DOT1L: variants seen among roughly 807,000 people sequenced by gnomAD.
DOT1L encodes histone-lysine N-methyltransferase, H3 lysine-79 specific.
Under a neutral mutation model 153.3 loss-of-function variants are expected in DOT1L, and 33 were observed. That is an observed-to-expected ratio of 0.22 (90% CI 0.16 to 0.29). DOT1L has a LOEUF of 0.29. Among genes scored for constraint, DOT1L ranks in the 10% least tolerant of loss-of-function variants. DOT1L has a pLI of 1.00. For missense variants in DOT1L, 1,847 were observed against 2,119.9 expected (o/e 0.87, Z 2.53); for synonymous variants, 1,135 against 965.1 (o/e 1.18, Z -3.26).
At chr19:2,177,767 C>CT (rs2022019844) in intron 1 of DOT1L, among the ~76,000 whole-genome samples, 1 of 151,858 alleles carries the variant, frequency 6.6e-6, no homozygotes, top group Non-Finnish European at 1.5e-5. Flanking sequence ...ATTTCTTTTT[C>CT]CTTTTTTTTT....
chr19:2,222,793 A>T lies in DOT1L; in HGVS notation c.3390+234A>T. The T allele has an allele frequency of 1.9e-6, 1 of 525,194 alleles. No individual in the cohort carries two copies. Among genetic ancestry groups the T allele is most frequent in the Non-Finnish European group, 3.3e-6 (1 of 301,100 alleles). 32.5% of individuals were successfully genotyped at this position (525,194 alleles called of 1,614,324 possible). A position where few individuals can be genotyped will look rare whatever the true frequency, so the allele number is the denominator to read the frequency against. ...CGGGTGCCTGGGAGGCTGAGGCAGG[A>T]GAATGATGTGAACCCGGGAGGCGGG... On this transcript the variant is annotated intron_variant, in intron 24 of 27. Transcript: ENST00000398665. The surrounding 1 kb of genome is among the most constrained non-coding windows in gnomAD (Gnocchi z 6.5).
At position 2,216,632 on chromosome 19, in the gene DOT1L, C is replaced by T. The variant is rs769937964; in HGVS notation, c.2275C>T (p.Arg759Cys). ...PCTPSHVGRPRLEKLSGLAAP... is the reference protein window; with the variant it reads ...PCTPSHVGRPCLEKLSGLAAP... ...TACCCCTAGCCACGTCGGCCGGCCG[C>T]GCCTGGAGAAGCTGTCTGGCCTAGC... is the stretch of plus-strand genomic sequence containing the variant. The change falls in exon 20 of 28, where the codon CGC (arginine) becomes TGC (cysteine). Residue 759 changes from arginine to cysteine, a missense_variant. Physicochemically the swap from Arg to Cys is radical, Grantham distance 180. Coordinates refer to ENST00000398665, the MANE Select transcript of DOT1L (RefSeq NM_032482.3). The T allele has an allele frequency of 5.6e-6, 9 of 1,605,874 alleles. No homozygotes were observed. The highest frequency in any genetic ancestry group is 4.4e-5 in the South Asian group (4 of 91,076).
intron 2 of DOT1L, among the ~76,000 whole-genome samples, chr19:2,184,884 G>A (rs749680303): frequency 2.0e-5 from 3 of 152,186 alleles, no homozygotes; most frequent in African/African-American, 4.8e-5. Context: ...ACGTTTTTAA[G>A]GGATAGTGGG....
Position 2,208,166 on chromosome 19 carries a change from C to T in DOT1L, c.963+486C>T, listed in dbSNP as rs2023576896. Among the ~76,000 whole-genome samples the T allele has an allele frequency of 6.6e-6, 1 of 152,126 alleles. No homozygotes were observed. The highest frequency in any genetic ancestry group is 2.4e-5 in the African/African-American group (1 of 41,428). ...ACACAGCCCTGGGCCAGTGTGCGGC[C>T]TGCCTGCCTCCCACGGTGCTTCCCC... On this transcript the variant is annotated intron_variant, in intron 11 of 27. Transcript: ENST00000398665. This position sits in a 1 kb window ranked among gnomAD's most constrained non-coding sequence, Gnocchi z 4.4.
Position 2,220,046 on chromosome 19 carries a change from G to C in DOT1L, c.2692-62G>C. On this transcript the variant is annotated intron_variant, in intron 22 of 27. Transcript: ENST00000398665. This position sits in a 1 kb window ranked among gnomAD's most constrained non-coding sequence, Gnocchi z 4.5. ...CAGGCCTCAACACTCACTGTTTCCA[G>C]CTGGGTTCTGGGTCTCCTGGGGCAC... The C allele has an allele frequency of 2.0e-6, 3 of 1,477,884 alleles. No individual in the cohort carries two copies. Among genetic ancestry groups the C allele is most frequent in the Non-Finnish European group, 2.8e-6 (3 of 1,084,390 alleles). 91.5% of individuals were successfully genotyped at this position (1,477,884 alleles called of 1,614,324 possible). A position where few individuals can be genotyped will look rare whatever the true frequency, so the allele number is the denominator to read the frequency against.
chr19:2,181,951 G>A (rs1272397490), intron 2 of DOT1L, among the ~76,000 whole-genome samples: 2 of 152,194 alleles, frequency 1.3e-5, no homozygotes, highest in African/African-American at 2.4e-5. Flanking sequence ...AGCTGTGCAC[G>A]GTGGCTCACG....
Position 2,228,500 on chromosome 19 carries a change from A to G in DOT1L, c.4607-1285A>G, listed in dbSNP as rs1478514811. The G allele has an allele frequency of 6.7e-6, 8 of 1,186,106 alleles. No individual in the cohort carries two copies. The African/African-American group carries it at 1.1e-4, about 17-fold the overall frequency. The allele number at this position is 1,186,106 out of a possible 1,614,324, so 73.5% of individuals were successfully genotyped here. A position where few individuals can be genotyped will look rare whatever the true frequency, so the allele number is the denominator to read the frequency against. ...CGGGGGTCCTGAGGAGGGAAGAGGG[A>G]GAGAGCCAGGGAGACCAGGGAGATG... On this transcript the variant is annotated intron_variant, in intron 27 of 27. Coordinates refer to ENST00000398665, the MANE Select transcript of DOT1L (RefSeq NM_032482.3).
chr19:2,174,072 C>T (rs1251149856), intron 1 of DOT1L, among the ~76,000 whole-genome samples: 2 of 152,216 alleles, frequency 1.3e-5, no homozygotes, highest in Admixed American at 6.5e-5. Context: ...ATCCTTCCAC[C>T]TCAGCCTCCT....
In DOT1L at chr19:2,214,606, G is replaced by T. The variant is rs754787908; in HGVS notation, c.1923+10G>T. On this transcript the variant is annotated intron_variant, in intron 19 of 27. Transcript: ENST00000398665. ...CTGCCTGGAGCTGCAGGTGGGCTGC[G>T]CGCGAGGCTGCACTCCGTGGTGTCC... is the stretch of plus-strand genomic sequence containing the variant. The T allele has an allele frequency of 4.3e-6, 7 of 1,610,848 alleles. No homozygotes were observed. In the South Asian group the frequency reaches 6.6e-5, roughly 15 times the overall value.
chr19:2,227,877 G>T, intron 27 of DOT1L: 2 of 1,275,844 alleles, frequency 1.6e-6, no homozygotes, highest in Non-Finnish European at 2.0e-6. Context: ...TTCCTTTCAG[G>T]CCCCGGCCTC....
In DOT1L at chr19:2,199,891, G is replaced by A. The variant is rs2023175677; in HGVS notation, c.659G>A (p.Arg220Lys). The change falls in exon 8 of 28, where the codon AGA becomes AAA. Residue 220 changes from arginine to lysine, a missense_variant. Arg to Lys is a conservative substitution (Grantham distance 26, BLOSUM62 2). Coordinates refer to ENST00000398665, the MANE Select transcript of DOT1L (RefSeq NM_032482.3). The part of the protein sequence containing the change: ...GKKHAEYTLE[R>K]GDFLSEEWRE... ...ACCTGTTTTCCCTTTCAGTTGGAGA[G>A]AGGCGATTTCCTCTCAGAAGAGTGG... 3 of 1,613,920 alleles carry A rather than the reference G, an allele frequency of 1.9e-6. No individual in the cohort carries two copies. Among genetic ancestry groups the A allele is most frequent in the South Asian group, 2.2e-5 (2 of 91,088 alleles).
In DOT1L at chr19:2,227,022, G is replaced by A; in HGVS notation, c.4501G>A (p.Val1501Met). 15 of 1,587,036 alleles carry A rather than the reference G, an allele frequency of 9.5e-6. No homozygotes were observed. The highest frequency in any genetic ancestry group is 1.2e-5 in the Non-Finnish European group (14 of 1,173,548). Residue 1501 changes from valine to methionine, a missense_variant, in exon 27 of 28, where the codon GTG becomes ATG. Val to Met is a conservative substitution (Grantham distance 21). This residue lies in a region of DOT1L where 934 missense variants were observed against 825.3 expected (regional missense o/e 1.13). Transcript: ENST00000398665. ...CGTGCTGCAGTCGCTGTTCAGCTCT[G>A]TGCCGGCCGCCGCAGGCCTGGTGCA... The part of the protein sequence containing the change: ...SSVLQSLFSS[V>M]PAAAGLVHVS...
At chr19:2,209,883 G>GT (rs1250500734) in intron 12 of DOT1L, among the ~76,000 whole-genome samples, 1 of 152,196 alleles carries the variant, frequency 6.6e-6, no homozygotes, top group Non-Finnish European at 1.5e-5. Context: ...GGGGATGTGG[G>GT]TCTTCCCTGG....
intron 16 of DOT1L, chr19:2,212,222 G>A: frequency 5.8e-6 from 1 of 170,978 alleles, no homozygotes; most frequent in Non-Finnish European, 1.2e-5. Context: ...GAGTGCAGTG[G>A]TGTGATCTCG....
intron 2 of DOT1L, among the ~76,000 whole-genome samples, chr19:2,183,417 C>A (rs977389584): frequency 6.6e-6 from 1 of 152,168 alleles, no homozygotes; most frequent in Non-Finnish European, 1.5e-5. Context: ...GTGATCCACC[C>A]GCCTCGGCCT....
Position 2,193,551 on chromosome 19 carries a change from C to A in DOT1L, c.494-138C>A, listed in dbSNP as rs181222738. ...AGGATCCTGAGTGACCTTGGAGCAT[C>A]GGATATGTGTGGAGACTGTGGCCTC... On this transcript the variant is annotated intron_variant, in intron 5 of 27. Coordinates refer to ENST00000398665, the MANE Select transcript of DOT1L (RefSeq NM_032482.3). This position sits in a 1 kb window ranked among gnomAD's most constrained non-coding sequence, Gnocchi z 5.9. 1.4e-6 allele frequency: 1 copy of A among 694,264 alleles called. No homozygotes were observed. Among genetic ancestry groups the A allele is most frequent in the East Asian group, 2.7e-5 (1 of 37,046 alleles). The allele number at this position is 694,264 out of a possible 1,614,324, so 43.0% of individuals were successfully genotyped here.
intron 12 of DOT1L, among the ~76,000 whole-genome samples, chr19:2,210,063 A>G (rs972383263): frequency 4.6e-5 from 7 of 152,146 alleles, no homozygotes; most frequent in African/African-American, 1.7e-4. Context: ...TGTGGCTTCT[A>G]GGTCCTGCTG....
Position 2,222,064 on chromosome 19 carries a change from G to C in DOT1L, c.2895G>C (p.Leu965Phe). ...SLTPGAEPAT[L>F]DESSSSGSLF... The stretch of plus-strand genomic sequence containing the variant: ...CACCTGGAGCCGAGCCGGCCACCTT[G>C]GATGAGTCCTCCAGCTCTGGGAGCC... The change falls in exon 24 of 28, where the codon TTG becomes TTC. Residue 965 changes from leucine (L) to phenylalanine (F), a missense_variant. Around this residue, in one of 8 missense-constraint regions of DOT1L, gnomAD observed 934 missense variants for 825.3 expected, o/e 1.13. Coordinates refer to ENST00000398665, the MANE Select transcript of DOT1L (RefSeq NM_032482.3). This position sits in a 1 kb window ranked among gnomAD's most constrained non-coding sequence, Gnocchi z 6.5. The C allele has an allele frequency of 6.2e-7, 1 of 1,613,416 alleles. No individual in the cohort carries two copies. Among genetic ancestry groups the C allele is most frequent in the Non-Finnish European group, 8.5e-7 (1 of 1,179,908 alleles).
At chr19:2,212,181 C>A (rs2023737816) in intron 16 of DOT1L, 1 of 210,008 alleles carries the variant, frequency 4.8e-6, no homozygotes, top group Non-Finnish European at 9.5e-6. Context: ...ACAGTCTTCC[C>A]AGTTGTCGCC....
Sources: allele counts gnomAD v4.1 joint callset (sites outside exome capture counted in the v4.1 genomes callset), GRCh38; gene constraint gnomAD v4.1.1; regional missense constraint gnomAD v4.1.1; non-coding constraint Gnocchi (gnomAD v3.1); transcripts MANE v1.5; gene names NCBI Gene and HGNC (gene_info 2026-07-23, HGNC 2026-07-21).